The following PPM1D variants were observed in gnomAD, a reference collection of about 807,000 sequenced individuals.
PPM1D encodes protein phosphatase 1D.
Under a neutral mutation model 58.3 loss-of-function variants are expected in PPM1D, and 52 were observed. The observed-to-expected ratio is 0.89, with a 90% CI of 0.71 to 1.12. The LOEUF is 1.12. PPM1D is among the 50% of genes most tolerant of loss of function. The pLI, the probability that PPM1D is intolerant of heterozygous loss-of-function variation, is 0.00. For synonymous variants in PPM1D, 278 were observed against 285.1 expected, an observed-to-expected ratio of 0.98 and a Z score of 0.25; for missense variants, 564 against 777.2, an observed-to-expected ratio of 0.73 and a Z score of 3.26.
chr17:60,629,266 G>C (rs1826382385), intron 2 of PPM1D, among the ~76,000 whole-genome samples: 1 of 152,224 alleles, frequency 6.6e-6, no homozygotes, highest in African/African-American at 2.4e-5. Context: ...TTTGTCTTGT[G>C]TAGGGACCAA....
intron 4 of PPM1D, among the ~76,000 whole-genome samples, chr17:60,656,345 C>T (rs1029695194): frequency 1.3e-5 from 2 of 150,382 alleles, no homozygotes; most frequent in African/African-American, 2.4e-5. Context: ...CCTAGCTACT[C>T]GGGAGGCTGA....
chr17:60,631,841 C>A (rs1480133577), intron 2 of PPM1D, among the ~76,000 whole-genome samples: 1 of 152,122 alleles, frequency 6.6e-6, no homozygotes, highest in Non-Finnish European at 1.5e-5. Context: ...GTTTGAGAGA[C>A]CATCTCTAAT....
At position 60,662,905 on chromosome 17, in the gene PPM1D, A is replaced by G. The variant is rs1055767899; in HGVS notation, c.1261-90A>G. 23 of 1,258,972 alleles carry G rather than the reference A, an allele frequency of 1.8e-5. No individual in the cohort carries two copies. The African/African-American group carries it at 3.5e-4, about 19-fold the overall frequency. 78.0% of individuals were successfully genotyped at this position (1,258,972 alleles called of 1,614,324 possible). A position where few individuals can be genotyped will look rare whatever the true frequency, so the allele number is the denominator to read the frequency against. The stretch of plus-strand genomic sequence containing the variant: ...CATACCCCGTTTTTGCCATCCTACT[A>G]GCTTCATAAGAAGCCTAATATCACA... On this transcript the variant is annotated intron_variant, in intron 5 of 5. Coordinates refer to ENST00000305921, the MANE Select transcript of PPM1D (RefSeq NM_003620.4).
At chr17:60,656,506 C>T in intron 4 of PPM1D, 93 bp from the exon 5 acceptor site, 1 of 1,478,346 alleles carries the variant, frequency 6.8e-7, no homozygotes, top group East Asian at 2.4e-5. Flanking sequence ...GTTTGGGCCA[C>T]AGCGAACACC....
intron 2 of PPM1D, among the ~76,000 whole-genome samples, chr17:60,628,425 C>G (rs2030854309): frequency 6.6e-6 from 1 of 152,102 alleles, no homozygotes; most frequent in Non-Finnish European, 1.5e-5. Context: ...TGGGTTTTGA[C>G]AAATACGTCA....
At chr17:60,630,569 CT>C (rs1241113091) in intron 2 of PPM1D, among the ~76,000 whole-genome samples, 1 of 149,776 alleles carries the variant, frequency 6.7e-6, no homozygotes, top group African/African-American at 2.5e-5. Context: ...CAGGCTGTTC[CT>C]TTTTACATGC....
intron 4 of PPM1D, among the ~76,000 whole-genome samples, chr17:60,651,727 G>T (rs2031347319): frequency 6.6e-6 from 1 of 151,902 alleles, no homozygotes. Flanking sequence ...TTTTTATTTC[G>T]TTTGTGGCAC....
At chr17:60,607,458 T>C (rs1192883593) in intron 1 of PPM1D, among the ~76,000 whole-genome samples, 1 of 152,094 alleles carries the variant, frequency 6.6e-6, no homozygotes, top group Non-Finnish European at 1.5e-5. Context: ...AATTTTGTAT[T>C]TTCAGTAGAA....
chr17:60,645,646 G>GTATATATATATATGTGTA (rs1555647711), intron 3 of PPM1D, among the ~76,000 whole-genome samples: 1 of 126,574 alleles, frequency 7.9e-6, no homozygotes, highest in African/African-American at 3.5e-5. Context: ...GTGTGTGTGT[G>GTATATATATATATGTGTA]TATATATATA....
chr17:60,647,758 A>G lies in PPM1D; in HGVS notation c.827-134A>G, dbSNP rs1028093356. 5 of 795,320 alleles carry G rather than the reference A, an allele frequency of 6.3e-6. No homozygotes were observed. In the South Asian group the frequency reaches 7.5e-5, roughly 12 times the overall value. 49.3% of individuals were successfully genotyped at this position (795,320 alleles called of 1,614,324 possible). On this transcript the variant is annotated intron_variant, in intron 3 of 5. Transcript: ENST00000305921. ...GTTTGCTAGGAAATCTTATCATGAG[A>G]GGAGTTTGAATGTTATCAAATGCTT...
chr17:60,639,639 T>C (rs574951495), intron 3 of PPM1D, among the ~76,000 whole-genome samples: 162 of 152,310 alleles, frequency 1.1e-3, no homozygotes, highest in Non-Finnish European at 1.7e-3. Flanking sequence ...GGTTTCACCA[T>C]GTTGGCCAGG....
chr17:60,604,227 C>G (rs73990909), intron 1 of PPM1D, among the ~76,000 whole-genome samples: 7,060 of 152,284 alleles, frequency 0.046, 584 homozygotes, highest in African/African-American at 0.16. Flanking sequence ...TCAGAAAACT[C>G]TTTAAATATT....
intron 1 of PPM1D, among the ~76,000 whole-genome samples, chr17:60,602,727 T>G (rs1195355408): frequency 6.6e-6 from 1 of 150,840 alleles, no homozygotes; most frequent in African/African-American, 2.4e-5. Flanking sequence ...CAGAAAAATG[T>G]TAAAGTTTGT....
At chr17:60,611,381 T>G (rs2030451173) in intron 1 of PPM1D, among the ~76,000 whole-genome samples, 1 of 152,136 alleles carries the variant, frequency 6.6e-6, no homozygotes, top group South Asian at 2.1e-4. Flanking sequence ...TGAATTGTTT[T>G]CTTGCTGATT....
Position 60,643,883 on chromosome 17 carries a change from C to CTTTTTTTT in PPM1D, c.827-3995_827-3988dup, listed in dbSNP as rs71148308. Among the ~76,000 whole-genome samples, 183 of 97,706 alleles carry CTTTTTTTT rather than the reference C, an allele frequency of 1.9e-3. 2 individuals carry two copies. Among genetic ancestry groups the CTTTTTTTT allele is most frequent in the South Asian group, 3.0e-3 (8 of 2,700 alleles). The allele number at this position is 97,706 out of a possible 152,430, so 64.1% of individuals were successfully genotyped here. ...TTGTGCAATAGAACTCTTTTCTTTTCTTTTTTTTTTTTTTTTTTTTTGAGA... is the reference window on the plus strand; with the variant it reads ...TTGTGCAATAGAACTCTTTTCTTTTCTTTTTTTTTTTTTTTTTTTTTTTTTTTTTGAGA... On this transcript the variant is annotated intron_variant, in intron 3 of 5. Transcript: ENST00000305921.
At chr17:60,609,966 G>A (rs1027278735) in intron 1 of PPM1D, among the ~76,000 whole-genome samples, 14 of 152,198 alleles carry the variant, frequency 9.2e-5, no homozygotes, top group African/African-American at 3.4e-4. Flanking sequence ...CGGATCATGA[G>A]GTCAGGAGAT....
intron 1 of PPM1D, among the ~76,000 whole-genome samples, chr17:60,607,775 A>G (rs1358527929): frequency 6.6e-6 from 1 of 152,260 alleles, no homozygotes; most frequent in African/African-American, 2.4e-5. Flanking sequence ...GCAAAGGGTG[A>G]TCTCTGGTGT....
chr17:60,631,004 T>C (rs1291365966), intron 2 of PPM1D, among the ~76,000 whole-genome samples: 1 of 152,236 alleles, frequency 6.6e-6, no homozygotes, highest in Non-Finnish European at 1.5e-5. Flanking sequence ...GCCTTTGATA[T>C]TTTAACTCTT....
chr17:60,600,690 C>T lies in PPM1D; in HGVS notation c.276C>T (p.Cys92=). Residue 92 remains cysteine, a synonymous_variant, in exon 1 of 6, where the codon TGC becomes TGT. Coordinates refer to ENST00000305921, the MANE Select transcript of PPM1D (RefSeq NM_003620.4). ...CCTCGCCGGCACCTAGCCGCTGCTG[C>T]CGCCGCCGTTCCTCCGTGGCCTTTT... ...AGASPAPSRC[C]RRRSSVAFFA... 6.3e-7 allele frequency: 1 copy of T among 1,589,542 alleles called. No homozygotes were observed. The highest frequency in any genetic ancestry group is 8.5e-7 in the Non-Finnish European group (1 of 1,169,758).
Sources: allele counts gnomAD v4.1 joint callset (sites outside exome capture counted in the v4.1 genomes callset), GRCh38; gene constraint gnomAD v4.1.1; transcripts MANE v1.5; gene names NCBI Gene and HGNC (gene_info 2026-07-23, HGNC 2026-07-21).